The following DSCAM variants were observed in gnomAD, a reference collection of about 807,000 sequenced individuals.
DSCAM encodes the protein cell adhesion molecule DSCAM.
A neutral mutation model predicts 217.7 loss-of-function variants in DSCAM; 47 were observed. The ratio of observed to expected loss-of-function variants is 0.22; its 90% CI spans 0.17 to 0.28. The LOEUF is 0.28. Among genes scored for constraint, DSCAM ranks in the 10% least tolerant of loss-of-function variants. The pLI is 1.00. For synonymous variants in DSCAM, 1,056 were observed against 1,015.3 expected (o/e 1.04, Z -0.76); for missense variants, 2,080 against 2,618.3 (o/e 0.79, Z 4.49).
intron 15 of DSCAM, among the ~76,000 whole-genome samples, chr21:40,168,943 A>G (rs1425927243): frequency 6.6e-6 from 1 of 152,208 alleles, no homozygotes; most frequent in Non-Finnish European, 1.5e-5. Context: ...TTTGTATCAT[A>G]GGGTTGTTAT....
chr21:40,453,038 CTTTGTGTGTGTG>C (rs1471372410), intron 3 of DSCAM, among the ~76,000 whole-genome samples: 18 of 96,194 alleles, frequency 1.9e-4, no homozygotes, highest in South Asian at 4.2e-4. Context: ...ATTTTAAAGA[CTTTGTGTGTGTG>C]TGTGTGTGTG....
chr21:40,159,830 G>T (rs959124704), intron 16 of DSCAM, among the ~76,000 whole-genome samples: 13 of 152,168 alleles, frequency 8.5e-5, no homozygotes, highest in Non-Finnish European at 1.5e-5. Flanking sequence ...TGATCTGCCC[G>T]CCTTGGCTTC....
intron 2 of DSCAM, among the ~76,000 whole-genome samples, chr21:40,708,004 T>C (rs1601153676): frequency 6.6e-6 from 1 of 152,214 alleles, no homozygotes. Context: ...GGATATTAGA[T>C]TGATTCTGTT....
chr21:40,183,210 A>G (rs2090856664), intron 14 of DSCAM, among the ~76,000 whole-genome samples: 1 of 152,264 alleles, frequency 6.6e-6, no homozygotes, highest in African/African-American at 2.4e-5. Context: ...AAGGAAGGGA[A>G]TAAAGGGAGG....
intron 3 of DSCAM, among the ~76,000 whole-genome samples, chr21:40,474,450 T>C (rs1408939211): frequency 6.6e-6 from 1 of 152,214 alleles, no homozygotes; most frequent in Non-Finnish European, 1.5e-5. Flanking sequence ...CTTTCTTTTA[T>C]TGTAGGCAAT....
At position 40,369,347 on chromosome 21, in the gene DSCAM, A is replaced by C. The variant is rs556755574; in HGVS notation, c.509-102T>G. The C allele has an allele frequency of 9.8e-5, 119 of 1,217,326 alleles. No individual in the cohort carries two copies. In the East Asian group the frequency reaches 2.7e-3, roughly 27 times the overall value. 75.4% of individuals were successfully genotyped at this position (1,217,326 alleles called of 1,614,324 possible). On this transcript the variant is annotated intron_variant, in intron 3 of 32. Transcript: ENST00000400454. ...GTTTTTTTTTTCCCCCACCTGAAGAAACTTAATGAAAAGGCTAAAAATGGG... is the reference window on the plus strand; with the variant it reads ...GTTTTTTTTTTCCCCCACCTGAAGACACTTAATGAAAAGGCTAAAAATGGG...
At chr21:40,711,598 C>T (rs2090780915) in intron 1 of DSCAM, among the ~76,000 whole-genome samples, 1 of 152,146 alleles carries the variant, frequency 6.6e-6, no homozygotes, top group South Asian at 2.1e-4. Flanking sequence ...CTCTTTAGCG[C>T]CAATGCACCC....
chr21:40,295,254 G>T (rs2073941534), intron 10 of DSCAM, among the ~76,000 whole-genome samples: 1 of 151,906 alleles, frequency 6.6e-6, no homozygotes, highest in Non-Finnish European at 1.5e-5. Flanking sequence ...AACTAATATA[G>T]TACTGAATTC....
chr21:40,326,146 A>G (rs939716636), intron 8 of DSCAM, among the ~76,000 whole-genome samples: 1 of 152,224 alleles, frequency 6.6e-6, no homozygotes, highest in Non-Finnish European at 1.5e-5. Context: ...GATGGTTGAA[A>G]AAAGGGGGGA....
intron 3 of DSCAM, among the ~76,000 whole-genome samples, chr21:40,461,958 C>G (rs1414826636): frequency 1.3e-5 from 2 of 152,208 alleles, no homozygotes; most frequent in Non-Finnish European, 2.9e-5. Context: ...ATTTAACGCT[C>G]TGGACTTCTG....
At chr21:40,552,030 T>A (rs1377582622) in intron 3 of DSCAM, among the ~76,000 whole-genome samples, 1 of 152,082 alleles carries the variant, frequency 6.6e-6, no homozygotes, top group Admixed American at 6.5e-5. Context: ...AGAGTTCTAT[T>A]TCCAGCTGGG....
intron 32 of DSCAM, among the ~76,000 whole-genome samples, chr21:40,017,103 CAAAAAAAA>C (rs372118440): frequency 4.6e-5 from 4 of 86,208 alleles, no homozygotes; most frequent in Admixed American, 1.4e-4. Flanking sequence ...AACTCCATCT[CAAAAAAAA>C]AAAAAAAAAG....
chr21:40,375,568 CATG>C (rs2074942143), intron 3 of DSCAM, among the ~76,000 whole-genome samples: 1 of 152,214 alleles, frequency 6.6e-6, no homozygotes, highest in Non-Finnish European at 1.5e-5. Flanking sequence ...CATGGTCATT[CATG>C]ATGAGAGACT....
intron 3 of DSCAM, among the ~76,000 whole-genome samples, chr21:40,563,588 T>C (rs1194161088): frequency 1.3e-4 from 9 of 69,992 alleles, no homozygotes; most frequent in Non-Finnish European, 2.7e-4. Flanking sequence ...TATGTTTATA[T>C]GTTTATATGT....
At chr21:40,805,837 T>C (rs1346828430) in intron 1 of DSCAM, among the ~76,000 whole-genome samples, 3 of 152,032 alleles carry the variant, frequency 2.0e-5, no homozygotes, top group Admixed American at 1.3e-4. Context: ...GCCTCCCGAA[T>C]AGCTGGGACT....
chr21:40,248,311 C>T (rs144276419), intron 11 of DSCAM, among the ~76,000 whole-genome samples: 1,973 of 152,280 alleles, frequency 0.013, 55 homozygotes, highest in African/African-American at 0.045. Context: ...CATTGTCAGG[C>T]TGCAAATTTT....
chr21:40,308,255 A>T (rs988910465), intron 9 of DSCAM, among the ~76,000 whole-genome samples: 4 of 152,104 alleles, frequency 2.6e-5, no homozygotes, highest in African/African-American at 9.7e-5. Context: ...CACACAATTA[A>T]CTTACTAGTG....
Position 40,085,761 on chromosome 21 carries a change from C to T in DSCAM, c.3973G>A (p.Gly1325Arg), listed in dbSNP as rs553290357. 1.7e-5 allele frequency: 25 copies of T among 1,497,086 alleles called. No individual in the cohort carries two copies. The highest frequency in any genetic ancestry group is 3.6e-4 in the Middle Eastern group (2 of 5,582). 92.7% of individuals were successfully genotyped at this position (1,497,086 alleles called of 1,614,324 possible). The change falls in exon 23 of 33, where the codon GGG becomes AGG. Residue 1325 changes from glycine to arginine, a missense_variant. Physicochemically the swap from Gly to Arg is moderately radical, Grantham distance 125. Transcript: ENST00000400454. ...TCAATCGTTACTAGACTGGGTGTCC[C>T]GTTACTGCCTCACAGGAAGAAAAAT... ...PAVKWMKDSN[G>R]TPSLVTIDGR...
chr21:40,562,974 A>G (rs1319880654), intron 3 of DSCAM, among the ~76,000 whole-genome samples: 2 of 152,192 alleles, frequency 1.3e-5, no homozygotes, highest in African/African-American at 2.4e-5. Flanking sequence ...TTTTATTTCA[A>G]TTTTTATTTT....
Sources: gnomAD v4.1 joint callset for allele counts (sites outside exome capture counted in the v4.1 genomes callset) on GRCh38, gnomAD v4.1.1 for gene constraint, MANE v1.5 for transcripts, NCBI Gene and HGNC (gene_info 2026-07-23, HGNC 2026-07-21) for gene names.